The following UPK3A variants were observed in gnomAD, a reference collection of about 807,000 sequenced individuals.
The protein encoded by UPK3A is uroplakin-3a.
UPK3A carries 32 observed loss-of-function variants against 27.6 expected under a neutral mutation model. The ratio of observed to expected loss-of-function variants is 1.16; its 90% confidence interval spans 0.87 to 1.55. UPK3A has a LOEUF of 1.55. Ranked by LOEUF, UPK3A falls within the 40% of genes most tolerant of loss-of-function variation. UPK3A has a pLI of 0.00. For missense variants in UPK3A, 370 were observed against 367.9 expected (o/e 1.01, Z -0.05); for synonymous variants, 171 against 163.9 (o/e 1.04, Z -0.33).
intron 4 of UPK3A, among the ~76,000 whole-genome samples, chr22:45,289,770 C>T (rs188955295): frequency 2.0e-5 from 3 of 149,192 alleles, no homozygotes; most frequent in African/African-American, 7.4e-5. Flanking sequence ...AAAAAAAAGT[C>T]GTTGAACCTG....
chr22:45,290,107 C>A (rs903175273), intron 4 of UPK3A, among the ~76,000 whole-genome samples: 1 of 152,214 alleles, frequency 6.6e-6, no homozygotes, highest in Non-Finnish European at 1.5e-5. Flanking sequence ...AGCACCTGGG[C>A]GGCTTTCCTG....
At chr22:45,293,447 G>A (rs945569988) in intron 5 of UPK3A, 134 bp downstream of exon 5, 9 of 1,144,754 alleles carry the variant, frequency 7.9e-6, no homozygotes, top group Middle Eastern at 2.1e-4. Flanking sequence ...CTGCCCCGCG[G>A]GTGGGGTCTG....
chr22:45,287,921 C>T (rs1219468745), intron 3 of UPK3A, among the ~76,000 whole-genome samples: 1 of 152,188 alleles, frequency 6.6e-6, no homozygotes, highest in Non-Finnish European at 1.5e-5. Context: ...GCTTTGGCCT[C>T]CTCCATAGTA....
rs916034174 is a variant in UPK3A at position 45,285,058 on chromosome 22, C to A, written c.45C>A (p.Phe15Leu). The A allele has an allele frequency of 2.6e-6, 4 of 1,536,496 alleles. No homozygotes were observed. The highest frequency in any genetic ancestry group is 3.5e-6 in the Non-Finnish European group (4 of 1,148,132). ...TGCTGGCCCTCGGCTGCCTGCGGTTCGGCTCGGGTAGGCGGTGAAGGGCAG... is the reference window on the plus strand; with the variant it reads ...TGCTGGCCCTCGGCTGCCTGCGGTTAGGCTCGGGTAGGCGGTGAAGGGCAG... ...WALLALGCLR[F>L]GSAVNLQPQL... The change falls in exon 1 of 6, where the codon TTC becomes TTA. Residue 15 changes from phenylalanine to leucine, a missense_variant. Coordinates refer to ENST00000216211, the MANE Select transcript of UPK3A (RefSeq NM_006953.4).
In UPK3A at chr22:45,291,265, T is replaced by C. The variant is rs373208799; in HGVS notation, c.572-1916T>C. Among the ~76,000 whole-genome samples the C allele has an allele frequency of 5.8e-3, 869 of 149,422 alleles. 8 individuals carry two copies. The highest frequency in any genetic ancestry group is 0.02 in the African/African-American group (805 of 40,454). On this transcript the variant is annotated intron_variant, in intron 4 of 5. Transcript: ENST00000216211. Reference sequence around the variant, plus strand: ...TGGTGTGTGAGTGTGAGAGTGTGTGTGGTGTGGGTGGTGTATGTGGTGTGT... The same window carrying C: ...TGGTGTGTGAGTGTGAGAGTGTGTGCGGTGTGGGTGGTGTATGTGGTGTGT...
intron 5 of UPK3A, among the ~76,000 whole-genome samples, chr22:45,295,022 T>A (rs531481171): frequency 4.5e-4 from 69 of 151,992 alleles, no homozygotes; most frequent in African/African-American, 1.6e-3. Flanking sequence ...ACCATCACCA[T>A]GCCCAGCTAA....
chr22:45,288,973 C>A, intron 3 of UPK3A, 88 bp from the exon 4 acceptor site: 2 of 1,346,350 alleles, frequency 1.5e-6, no homozygotes, highest in South Asian at 1.2e-5. Context: ...GTCTCCCACC[C>A]CTAGGCCATC....
chr22:45,285,956 C>G lies in UPK3A; in HGVS notation c.68C>G (p.Pro23Arg). Residue 23 changes from proline (P) to arginine (R), a missense_variant, in exon 2 of 6, where the codon CCC (proline) becomes CGC (arginine). Pro to Arg is a moderately radical substitution (Grantham distance 103, BLOSUM62 -2). Coordinates refer to ENST00000216211, the MANE Select transcript of UPK3A (RefSeq NM_006953.4). The stretch of plus-strand genomic sequence containing the variant: ...CCTCCTCCAGCTGTGAACCTGCAGC[C>G]CCAACTGGCCAGTGTGACTTTCGCC... Reference protein sequence around the residue: ...LRFGSAVNLQPQLASVTFATN... With the variant: ...LRFGSAVNLQRQLASVTFATN... The G allele has an allele frequency of 6.2e-7, 1 of 1,614,082 alleles. No individual in the cohort carries two copies. Among genetic ancestry groups the G allele is most frequent in the Non-Finnish European group, 8.5e-7 (1 of 1,179,998 alleles).
chr22:45,285,001 C>G lies in UPK3A; in HGVS notation c.-13C>G, dbSNP rs936007707. The G allele has an allele frequency of 3.9e-6, 6 of 1,530,130 alleles. No homozygotes were observed. In the East Asian group the frequency reaches 1.2e-4, roughly 31 times the overall value. 94.8% of individuals were successfully genotyped at this position (1,530,130 alleles called of 1,614,324 possible). A position where few individuals can be genotyped will look rare whatever the true frequency, so the allele number is the denominator to read the frequency against. On this transcript the variant is annotated 5_prime_UTR_variant, in exon 1 of 6. Coordinates refer to ENST00000216211, the MANE Select transcript of UPK3A (RefSeq NM_006953.4). ...GACCGCCCGCCCCGCGCTCTGGCGG[C>G]TCCTCCCGGGCGATGCCTCCGCTCT...
At chr22:45,292,931 C>CAAAAAAAAAAAAAAAGAA (rs56662710) in intron 4 of UPK3A, among the ~76,000 whole-genome samples, 1 of 111,500 alleles carries the variant, frequency 9.0e-6, no homozygotes. Context: ...TAAAATAATG[C>CAAAAAAAAAAAAAAAGAA]AAAAAAAAAA....
chr22:45,285,202 G>T, intron 1 of UPK3A, 137 bp downstream of exon 1: 3 of 792,498 alleles, frequency 3.8e-6, no homozygotes, highest in Non-Finnish European at 5.8e-6. Flanking sequence ...GATAGCCAAC[G>T]TTTACGGGCC....
intron 5 of UPK3A, among the ~76,000 whole-genome samples, chr22:45,294,350 A>G (rs757174871): frequency 6.6e-6 from 1 of 151,666 alleles, no homozygotes; most frequent in Non-Finnish European, 1.5e-5. Flanking sequence ...GAACTTGTGA[A>G]TCAGGTTGGT....
intron 4 of UPK3A, among the ~76,000 whole-genome samples, chr22:45,292,283 A>C (rs1204932385): frequency 2.0e-5 from 3 of 152,142 alleles, no homozygotes; most frequent in Non-Finnish European, 2.9e-5. Context: ...GGGGGACAGC[A>C]TGCACCTCAG....
At position 45,293,289 on chromosome 22, in the gene UPK3A, C is replaced by T. The variant is rs2084174295; in HGVS notation, c.680C>T (p.Ala227Val). Reference sequence around the variant, plus strand: ...CCCTTCTTTCTACTTGTGGGTTTTGCTGGCGCCATTGCCCTCAGCCTCGTG... The same window carrying T: ...CCCTTCTTTCTACTTGTGGGTTTTGTTGGCGCCATTGCCCTCAGCCTCGTG... ...SLPFFLLVGF[A>V]GAIALSLVDM... is the part of the protein sequence containing the mutation. Residue 227 changes from alanine to valine, a missense_variant, in exon 5 of 6, where the codon GCT (alanine) becomes GTT (valine). Ala to Val is a moderately conservative substitution (Grantham distance 64). Transcript: ENST00000216211. 6.2e-7 allele frequency: 1 copy of T among 1,614,040 alleles called. No homozygotes were observed. Among genetic ancestry groups the T allele is most frequent in the Non-Finnish European group, 8.5e-7 (1 of 1,180,040 alleles).
chr22:45,291,172 A>G (rs1362200276), intron 4 of UPK3A, among the ~76,000 whole-genome samples: 1 of 151,902 alleles, frequency 6.6e-6, no homozygotes, highest in Non-Finnish European at 1.5e-5. Context: ...GACTGCTGGT[A>G]TATGTGGTGT....
At chr22:45,293,134 A>T (rs779725977) in intron 4 of UPK3A, 47 bp from the exon 5 acceptor site, 25 of 1,609,654 alleles carry the variant, frequency 1.6e-5, no homozygotes, top group Admixed American at 3.3e-5. Context: ...GAGAAGGGTG[A>T]GGGTGGTGCG....
At chr22:45,285,758 C>T (rs919727099) in intron 1 of UPK3A, among the ~76,000 whole-genome samples, 183 bp from the exon 2 acceptor site, 20 of 152,072 alleles carry the variant, frequency 1.3e-4, no homozygotes, top group African/African-American at 4.1e-4. Flanking sequence ...CAGTTTGGCC[C>T]GACCGCTCCA....
chr22:45,291,077 T>G (rs1452747645), intron 4 of UPK3A, among the ~76,000 whole-genome samples: 1 of 152,196 alleles, frequency 6.6e-6, no homozygotes, highest in Non-Finnish European at 1.5e-5. Flanking sequence ...GGTGCTTGAA[T>G]CATCCCGAAA....
rs776518918 is a variant in UPK3A at position 45,295,674 on chromosome 22, G to A, written c.819G>A (p.Pro273=). The change falls in exon 6 of 6, where the codon CCG becomes CCA. Residue 273 remains proline, a synonymous_variant. Coordinates refer to ENST00000216211, the MANE Select transcript of UPK3A (RefSeq NM_006953.4). Reference sequence around the variant, plus strand: ...CCTACACGTCCGTGAACCGGGGGCCGCCACTGGACAGGGCTGAGGTGTATT... The same window carrying A: ...CCTACACGTCCGTGAACCGGGGGCCACCACTGGACAGGGCTGAGGTGTATT... ...ESSYTSVNRG[P]PLDRAEVYSS... is the part of the protein sequence containing the mutation. The A allele has an allele frequency of 6.2e-6, 10 of 1,613,926 alleles. No individual in the cohort carries two copies. The highest frequency in any genetic ancestry group is 3.3e-5 in the Admixed American group (2 of 59,996).
Sources: allele counts gnomAD v4.1 joint callset (sites outside exome capture counted in the v4.1 genomes callset), GRCh38; gene constraint gnomAD v4.1.1; transcripts MANE v1.5; gene names NCBI Gene and HGNC (gene_info 2026-07-23, HGNC 2026-07-21).